Variants in RTTN observed in about 807,000 individuals in gnomAD.
RTTN encodes rotatin.
In RTTN, 182 loss-of-function variants were observed where a neutral mutation model predicts 269.2. The observed-to-expected ratio is 0.68, with a 90% CI of 0.60 to 0.76. The LOEUF (loss-of-function observed/expected upper bound fraction) is 0.76. RTTN is among the 30% of genes least tolerant of loss of function. The pLI, the probability that RTTN is intolerant of heterozygous loss-of-function variation, is 0.00. For missense variants in RTTN, 2,545 were observed against 2,608.6 expected (o/e 0.98, Z 0.53); for synonymous variants, 1,006 against 963.5 (o/e 1.04, Z -0.82).
intron 39 of RTTN, 59 bp downstream of exon 39, chr18:70,051,352 G>A: frequency 6.6e-7 from 1 of 1,525,930 alleles, no homozygotes; most frequent in Non-Finnish European, 8.8e-7. Context: ...TAAACAGGCA[G>A]AATCATTATC....
At chr18:70,155,224 C>T (rs528610114) in intron 14 of RTTN, among the ~76,000 whole-genome samples, 1 of 152,244 alleles carries the variant, frequency 6.6e-6, no homozygotes, top group South Asian at 2.1e-4. Flanking sequence ...AGGTGCATCA[C>T]CACTAACTGT....
chr18:70,156,052 A>G (rs567072765), intron 14 of RTTN, among the ~76,000 whole-genome samples: 3 of 152,282 alleles, frequency 2.0e-5, no homozygotes, highest in African/African-American at 7.2e-5. Flanking sequence ...TGTTTGAACA[A>G]TATGAAATCT....
intron 28 of RTTN, among the ~76,000 whole-genome samples, chr18:70,106,770 T>C (rs1313177594): frequency 6.6e-6 from 1 of 152,082 alleles, no homozygotes; most frequent in Non-Finnish European, 1.5e-5. Context: ...GATTATATGA[T>C]GTCAAGAAGT....
At chr18:70,187,577 G>C (rs2061575666) in intron 10 of RTTN, among the ~76,000 whole-genome samples, 1 of 152,126 alleles carries the variant, frequency 6.6e-6, no homozygotes, top group Non-Finnish European at 1.5e-5. Context: ...ACAGTATTTT[G>C]ACTGTATATC....
At chr18:70,031,838 G>C (rs945848654) in intron 40 of RTTN, among the ~76,000 whole-genome samples, 3 of 151,914 alleles carry the variant, frequency 2.0e-5, no homozygotes, top group Admixed American at 1.3e-4. Flanking sequence ...GGGGCTGAAG[G>C]GGGAGGAAGC....
intron 41 of RTTN, 119 bp from the exon 42 acceptor site, chr18:70,030,228 T>C (rs2056973554): frequency 4.6e-6 from 3 of 645,830 alleles, no homozygotes; most frequent in African/African-American, 1.8e-5. Flanking sequence ...CACTTCATTT[T>C]AGAATTTTCA....
intron 34 of RTTN, among the ~76,000 whole-genome samples, chr18:70,068,515 C>T (rs1181723611): frequency 1.3e-5 from 2 of 152,216 alleles, no homozygotes; most frequent in African/African-American, 4.8e-5. Context: ...AGGCTTGCTT[C>T]TTTCTCCCTG....
chr18:70,150,650 C>T lies in RTTN; in HGVS notation c.2013G>A (p.Leu671=). The T allele has an allele frequency of 6.2e-7, 1 of 1,612,478 alleles. No homozygotes were observed. Among genetic ancestry groups the T allele is most frequent in the Non-Finnish European group, 8.5e-7 (1 of 1,178,892 alleles). The part of the protein sequence containing the change: ...GIHFLLHPKV[L]YEISVFGIQE... ...GAATGCCAAATACAGAGATTTCATA[C>T]AGAACTTTTGGATGAAGTAGAAAAT... The change falls in exon 15 of 49, where the codon CTG becomes CTA. Residue 671 remains leucine, a synonymous_variant. Transcript: ENST00000640769.
At chr18:70,116,810 C>A (rs1480595665) in intron 26 of RTTN, among the ~76,000 whole-genome samples, 1 of 151,980 alleles carries the variant, frequency 6.6e-6, no homozygotes, top group East Asian at 1.9e-4. Flanking sequence ...GCACATTGAG[C>A]CCGTTACGGG....
At chr18:70,059,291 C>T (rs1016250314) in intron 36 of RTTN, among the ~76,000 whole-genome samples, 6 of 152,088 alleles carry the variant, frequency 3.9e-5, no homozygotes, top group Admixed American at 2.6e-4. Flanking sequence ...TTCTACTATA[C>T]CTTCCTAGAA....
chr18:70,148,824 A>T, intron 17 of RTTN, 77 bp downstream of exon 17: 1 of 1,550,256 alleles, frequency 6.5e-7, no homozygotes, highest in Non-Finnish European at 8.8e-7. Context: ...GTTTTGTTTC[A>T]AATTATATAT....
chr18:70,157,156 G>A (rs527947147), intron 14 of RTTN, among the ~76,000 whole-genome samples: 115 of 152,214 alleles, frequency 7.6e-4, no homozygotes, highest in African/African-American at 2.3e-3. Context: ...CACCACAAGT[G>A]CACTCTCCCA....
chr18:70,065,009 A>G (rs2058093689), intron 35 of RTTN, among the ~76,000 whole-genome samples: 1 of 152,156 alleles, frequency 6.6e-6, no homozygotes, highest in South Asian at 2.1e-4. Flanking sequence ...TATTTTCTAC[A>G]GTTAAATAAT....
At chr18:70,004,374 T>C (rs2056115452) in intron 48 of RTTN, 138 bp from the exon 49 acceptor site, 1 of 485,068 alleles carries the variant, frequency 2.1e-6, no homozygotes, top group African/African-American at 2.0e-5. Flanking sequence ...TGTAATAGCA[T>C]TCCAGAATAT....
At chr18:70,049,711 G>T (rs568545813) in intron 39 of RTTN, among the ~76,000 whole-genome samples, 1 of 152,204 alleles carries the variant, frequency 6.6e-6, no homozygotes, top group African/African-American at 2.4e-5. Context: ...GAATATTTAT[G>T]TTAAAAAACA....
In RTTN at chr18:70,092,229, A is replaced by G; in HGVS notation, c.4033-9T>C. The G allele has an allele frequency of 2.7e-6, 4 of 1,493,152 alleles. No homozygotes were observed. Among genetic ancestry groups the G allele is most frequent in the Admixed American group, 3.4e-5 (2 of 58,384 alleles). 92.5% of individuals were successfully genotyped at this position (1,493,152 alleles called of 1,614,324 possible). ...CAAAGTGACATCCACTCCTAGAGGG[A>G]AAAAAGGGAAACAGAAATATTTGAG... On this transcript the variant is annotated splice_polypyrimidine_tract_variant and intron_variant, in intron 29 of 48. Transcript: ENST00000640769.
intron 46 of RTTN, chr18:70,007,838 G>A (rs1307061106): frequency 1.3e-5 from 2 of 152,526 alleles, no homozygotes; most frequent in African/African-American, 4.8e-5. Flanking sequence ...AGCTTCAGCA[G>A]ACTTAAATGT....
chr18:70,004,268 T>C (rs375213031), intron 48 of RTTN, 32 bp from the exon 49 acceptor site: 3 of 1,498,068 alleles, frequency 2.0e-6, no homozygotes, highest in Non-Finnish European at 2.8e-6. Context: ...ACAGAAATAC[T>C]AGTTTATGAA....
intron 34 of RTTN, among the ~76,000 whole-genome samples, chr18:70,066,867 G>GT (rs2058150067): frequency 6.6e-6 from 1 of 152,122 alleles, no homozygotes; most frequent in African/African-American, 2.4e-5. Flanking sequence ...GTTTCTAATA[G>GT]TAAAGAGAAT....
Sources: allele counts gnomAD v4.1 joint callset (sites outside exome capture counted in the v4.1 genomes callset), GRCh38; gene constraint gnomAD v4.1.1; transcripts MANE v1.5; gene names NCBI Gene and HGNC (gene_info 2026-07-23, HGNC 2026-07-21).